The following PCDHA7 variants were observed in gnomAD, a reference collection of about 807,000 sequenced individuals.
The protein encoded by PCDHA7 is protocadherin alpha 7.
Under a neutral mutation model 57.2 loss-of-function variants are expected in PCDHA7, and 37 were observed. The observed-to-expected ratio is 0.65, with a 90% CI of 0.50 to 0.85. The LOEUF (loss-of-function observed/expected upper bound fraction) is 0.85, where lower values mean the gene tolerates loss of function less well. Among genes scored for constraint, PCDHA7 ranks in the 40% least tolerant of loss-of-function variants. The pLI is 0.00. For missense variants in PCDHA7, 1,188 were observed against 1,241.8 expected (o/e 0.96, Z 0.65); for synonymous variants, 553 against 558.8 (o/e 0.99, Z 0.15).
intron 1 of PCDHA7, chr5:140,858,744 A>G: frequency 2.2e-6 from 1 of 461,862 alleles, no homozygotes; most frequent in South Asian, 3.0e-5. Flanking sequence ...TTTCATAATC[A>G]CTTTTCGTTA....
rs782372222 is a variant in PCDHA7 at position 140,876,213 on chromosome 5, T to C, written c.2355+39475T>C. 11 of 1,613,846 alleles carry C rather than the reference T, an allele frequency of 6.8e-6. No homozygotes were observed. The Admixed American group carries it at 8.3e-5, about 12-fold the overall frequency. On this transcript the variant is annotated intron_variant, in intron 1 of 3. Coordinates refer to ENST00000525929, the MANE Select transcript of PCDHA7 (RefSeq NM_018910.3). The stretch of plus-strand genomic sequence containing the variant: ...GTCCGGCGTTTGATAAGCCCAGCTA[T>C]AAAGTAGTGTTGTCTGAAAATGTCC...
intron 3 of PCDHA7, among the ~76,000 whole-genome samples, chr5:140,989,551 C>T (rs964653534): frequency 2.0e-5 from 3 of 152,178 alleles, no homozygotes; most frequent in African/African-American, 4.8e-5. Flanking sequence ...AATTCCTTTA[C>T]GTTTTGTGGC....
chr5:140,882,127 C>A (rs2058964637), intron 1 of PCDHA7: 23 of 1,464,566 alleles, frequency 1.6e-5, no homozygotes, highest in Admixed American at 4.6e-5. Flanking sequence ...TTTCTTTCTT[C>A]CTGCAGAAAA....
chr5:140,902,724 C>T (rs1463381369), intron 1 of PCDHA7, among the ~76,000 whole-genome samples: 6 of 148,640 alleles, frequency 4.0e-5, no homozygotes, highest in Admixed American at 3.3e-4. Context: ...TCCCACCCTT[C>T]CCTCCAAGTC....
At position 140,850,209 on chromosome 5, in the gene PCDHA7, G is replaced by C. The variant is rs17844333; in HGVS notation, c.2355+13471G>C. ...GGCGCTGCTGACACCTCGGATGAGG[G>C]GCACTGACGGCGCAGTGAGCGAGAT... On this transcript the variant is annotated intron_variant, in intron 1 of 3. Coordinates refer to ENST00000525929, the MANE Select transcript of PCDHA7 (RefSeq NM_018910.3). 7.0e-3 allele frequency: 11,231 copies of C among 1,593,568 alleles called. 1,600 individuals carry two copies. The Admixed American group carries it at 0.15, about 21-fold the overall frequency.
intron 1 of PCDHA7, among the ~76,000 whole-genome samples, chr5:140,890,832 T>G (rs1554184561): frequency 6.6e-6 from 1 of 152,220 alleles, no homozygotes; most frequent in African/African-American, 2.4e-5. Context: ...ACTTACATAT[T>G]TACCAGTTTT....
intron 1 of PCDHA7, among the ~76,000 whole-genome samples, chr5:140,855,264 T>C (rs560224323): frequency 1.3e-5 from 2 of 149,870 alleles, no homozygotes; most frequent in South Asian, 4.2e-4. Context: ...TATATTATAA[T>C]TCACTCAACC....
intron 3 of PCDHA7, among the ~76,000 whole-genome samples, chr5:140,996,315 G>A (rs2097722113): frequency 6.6e-6 from 1 of 152,188 alleles, no homozygotes; most frequent in African/African-American, 2.4e-5. Flanking sequence ...AGTAAGGGGG[G>A]AGGGTAGAGA....
rs2045560608 is a variant in PCDHA7 at position 140,858,685 on chromosome 5, T to G, written c.2355+21947T>G. The G allele has an allele frequency of 1.3e-5, 8 of 595,874 alleles. No homozygotes were observed. The South Asian group carries it at 1.9e-4, about 14-fold the overall frequency. 36.9% of individuals were successfully genotyped at this position (595,874 alleles called of 1,614,324 possible). On this transcript the variant is annotated intron_variant, in intron 1 of 3. Transcript: ENST00000525929. ...TAACAATTTATTCTGAATACACTAA[T>G]ATTTTCCAATACAAATATGTGATAT... is the stretch of plus-strand genomic sequence containing the variant.
At chr5:140,972,514 A>G (rs2096539827) in intron 1 of PCDHA7, among the ~76,000 whole-genome samples, 1 of 152,260 alleles carries the variant, frequency 6.6e-6, no homozygotes, top group Admixed American at 6.5e-5. Context: ...TTTTACCCCC[A>G]GTGAGCTTAT....
At chr5:140,870,154 G>A (rs1243170344) in intron 1 of PCDHA7, 2 of 1,614,130 alleles carry the variant, frequency 1.2e-6, no homozygotes, top group Non-Finnish European at 8.5e-7. Context: ...TGAAGTCGCC[G>A]TGACTTCCTT....
chr5:140,881,743 A>C (rs964884426), intron 1 of PCDHA7, among the ~76,000 whole-genome samples: 4 of 152,182 alleles, frequency 2.6e-5, no homozygotes, highest in African/African-American at 9.7e-5. Flanking sequence ...CAGGAAGAGG[A>C]CAGTACCACA....
chr5:140,857,243 A>G (rs2044443964), intron 1 of PCDHA7: 1 of 1,598,366 alleles, frequency 6.3e-7, no homozygotes, highest in African/African-American at 1.3e-5. Flanking sequence ...GCTGGTGTCC[A>G]CCTACAAGAA....
chr5:140,836,549 G>C lies in PCDHA7; in HGVS notation c.2166G>C (p.Arg722=), dbSNP rs2150263747. 1 of 1,613,770 alleles carries C rather than the reference G, an allele frequency of 6.2e-7. No individual in the cohort carries two copies. The highest frequency in any genetic ancestry group is 2.2e-5 in the East Asian group (1 of 44,844). ...VLTLLLYTAL[R]CSAPSSEGAC... ...CCCTGCTGCTGTACACGGCGTTGCG[G>C]TGCTCAGCGCCGTCCTCTGAGGGCG... Residue 722 remains arginine (R), a synonymous_variant, in exon 1 of 4, where the codon CGG becomes CGC. Transcript: ENST00000525929.
chr5:140,861,339 C>A lies in PCDHA7; in HGVS notation c.2355+24601C>A. ...TTCCACTACACCATCCTGGAAGAGG[C>A]CAAGGACGGCACATAGCGTCTTCGC... On this transcript the variant is annotated intron_variant, in intron 1 of 3. Transcript: ENST00000525929. 4 of 274,788 alleles carry A rather than the reference C, an allele frequency of 1.5e-5. No homozygotes were observed. The South Asian group carries it at 1.7e-4, about 12-fold the overall frequency. The allele number at this position is 274,788 out of a possible 1,614,324, so 17.0% of individuals were successfully genotyped here.
intron 1 of PCDHA7, chr5:140,883,199 G>A (rs782445481): frequency 6.2e-7 from 1 of 1,613,862 alleles, no homozygotes; most frequent in Non-Finnish European, 8.5e-7. Context: ...ACTAGATTTC[G>A]AAGAAAAGAA....
Position 140,834,844 on chromosome 5 carries a change from T to C in PCDHA7, c.461T>C (p.Leu154Pro). 2 of 1,611,130 alleles carry C rather than the reference T, an allele frequency of 1.2e-6. No individual in the cohort carries two copies. The highest frequency in any genetic ancestry group is 1.7e-6 in the Non-Finnish European group (2 of 1,179,108). ...ESRPLDSRFPLEGASDADIGE... is the reference protein window; with the variant it reads ...ESRPLDSRFPPEGASDADIGE... ...AGGCCGCTTGACTCTCGGTTTCCAC[T>C]AGAGGGCGCGTCCGATGCAGATATC... Residue 154 changes from leucine (L) to proline (P), a missense_variant, in exon 1 of 4, where the codon CTA becomes CCA. Coordinates refer to ENST00000525929, the MANE Select transcript of PCDHA7 (RefSeq NM_018910.3).
intron 1 of PCDHA7, among the ~76,000 whole-genome samples, chr5:140,897,646 C>T (rs1336141431): frequency 1.3e-5 from 2 of 152,128 alleles, no homozygotes; most frequent in African/African-American, 4.8e-5. Flanking sequence ...CCACAATAAA[C>T]ATACGTGTGC....
Position 141,010,090 on chromosome 5 carries a change from C to A in PCDHA7, c.*153C>A. On this transcript the variant is annotated 3_prime_UTR_variant, in exon 4 of 4. Transcript: ENST00000525929. ...AAGTTCCCTGTGTCTGTCTAGAACG[C>A]ATTTAACAGGTTTTGTCGTAAAAGC... 1 of 1,612,636 alleles carries A rather than the reference C, an allele frequency of 6.2e-7. No homozygotes were observed. Among genetic ancestry groups the A allele is most frequent in the Non-Finnish European group, 8.5e-7 (1 of 1,179,276 alleles).
Sources: gnomAD v4.1 joint callset for allele counts (sites outside exome capture counted in the v4.1 genomes callset) on GRCh38, gnomAD v4.1.1 for gene constraint, MANE v1.5 for transcripts, NCBI Gene and HGNC (gene_info 2026-07-23, HGNC 2026-07-21) for gene names.